ARHGAP35: variants seen among roughly 807,000 people sequenced by gnomAD.
ARHGAP35 encodes rho GTPase-activating protein 35.
In ARHGAP35, 15 loss-of-function variants were observed where a neutral mutation model predicts 111.1. The observed-to-expected ratio is 0.13, with a 90% confidence interval of 0.09 to 0.21. ARHGAP35 has a LOEUF of 0.21. ARHGAP35 is among the 10% of genes least tolerant of loss of function. The pLI is 1.00. For synonymous variants in ARHGAP35, 643 were observed against 710.3 expected, an observed-to-expected ratio of 0.91 and a Z score of 1.51; for missense variants, 1,262 against 1,873.0, an observed-to-expected ratio of 0.67 and a Z score of 6.02.
At chr19:46,866,446 T>TTATATACAA (rs1175013282) in intron 1 of ARHGAP35, among the ~76,000 whole-genome samples, 3 of 152,326 alleles carry the variant, frequency 2.0e-5, no homozygotes, top group African/African-American at 7.2e-5. Flanking sequence ...GGCAGTGACC[T>TTATATACAA]GGCTTCTGAT....
In ARHGAP35 at chr19:46,901,146, C is replaced by T. The variant is rs537846087; in HGVS notation, c.-188-17342C>T. Among the ~76,000 whole-genome samples, 2 of 152,168 alleles carry T rather than the reference C, an allele frequency of 1.3e-5. No individual in the cohort carries two copies. Among genetic ancestry groups the T allele is most frequent in the East Asian group, 1.9e-4 (1 of 5,182 alleles). ...AATTTTCATTGAATGATTGAATGGG[C>T]GAATGAGAATAAATAAATGAGGGCA... On this transcript the variant is annotated intron_variant, in intron 1 of 6. Transcript: ENST00000672722. The surrounding 1 kb of genome is among the most constrained non-coding windows in gnomAD (Gnocchi z 4.5).
Position 46,910,017 on chromosome 19 carries a change from C to T in ARHGAP35, c.-188-8471C>T, listed in dbSNP as rs74393062. 7.9e-3 allele frequency among the ~76,000 whole-genome samples: 1,205 copies of T among 152,120 alleles called. 8 individuals are homozygous for T. The highest frequency in any genetic ancestry group is 0.027 in the African/African-American group (1,127 of 41,486). Reference sequence around the variant, plus strand: ...AATTGCTATATTCAAATGGAGTTTTCGTTTATGTAAGATGATTAACTCCTT... The same window carrying T: ...AATTGCTATATTCAAATGGAGTTTTTGTTTATGTAAGATGATTAACTCCTT... On this transcript the variant is annotated intron_variant, in intron 1 of 6. Coordinates refer to ENST00000672722, the MANE Select transcript of ARHGAP35 (RefSeq NM_004491.5).
chr19:46,981,681 C>T (rs1372742308), intron 3 of ARHGAP35, among the ~76,000 whole-genome samples: 3 of 152,200 alleles, frequency 2.0e-5, no homozygotes, highest in Non-Finnish European at 4.4e-5. Flanking sequence ...CTGCCACAGA[C>T]ACCTCCCAGG....
At chr19:46,966,461 AT>A (rs1020280574) in intron 3 of ARHGAP35, among the ~76,000 whole-genome samples, 2 of 152,180 alleles carry the variant, frequency 1.3e-5, no homozygotes, top group African/African-American at 4.8e-5. Context: ...AGGCAGGAGA[AT>A]CACTTGAGCG....
chr19:46,875,833 T>C (rs75576691), intron 1 of ARHGAP35, among the ~76,000 whole-genome samples: 1 of 152,160 alleles, frequency 6.6e-6, no homozygotes, highest in African/African-American at 2.4e-5. Context: ...TGATTTGTTA[T>C]CTCTTGGTCT....
intron 1 of ARHGAP35, among the ~76,000 whole-genome samples, chr19:46,898,775 AGCT>A (rs112008743): frequency 4.9e-4 from 74 of 150,770 alleles, no homozygotes; most frequent in East Asian, 9.8e-4. Flanking sequence ...TGCACAGATG[AGCT>A]GCTGCTGCTG....
intron 1 of ARHGAP35, among the ~76,000 whole-genome samples, chr19:46,885,624 G>A (rs1468067137): frequency 1.3e-5 from 2 of 152,008 alleles, no homozygotes; most frequent in African/African-American, 4.8e-5. Flanking sequence ...TTTCTCTCAC[G>A]GGAAGGTATT....
intron 5 of ARHGAP35, among the ~76,000 whole-genome samples, chr19:46,991,499 CT>C (rs2056679057): frequency 6.6e-6 from 1 of 152,254 alleles, no homozygotes; most frequent in Non-Finnish European, 1.5e-5. Flanking sequence ...CCAGCTTCCA[CT>C]GCTCAGGAGG....
chr19:46,968,784 A>C (rs778354739), intron 3 of ARHGAP35, among the ~76,000 whole-genome samples: 1 of 152,118 alleles, frequency 6.6e-6, no homozygotes, highest in Non-Finnish European at 1.5e-5. Context: ...CTAATCTATA[A>C]AGATAGAAAG....
chr19:46,996,587 C>A (rs1305578046), intron 5 of ARHGAP35, among the ~76,000 whole-genome samples: 1 of 152,152 alleles, frequency 6.6e-6, no homozygotes, highest in East Asian at 1.9e-4. Context: ...AGACCCAGCT[C>A]TTATGTAAAG....
chr19:46,933,669 A>G (rs1186717739), intron 2 of ARHGAP35, among the ~76,000 whole-genome samples: 1 of 152,058 alleles, frequency 6.6e-6, no homozygotes, highest in African/African-American at 2.4e-5. Flanking sequence ...TAAAGAATTT[A>G]TACTGGCTGG....
At position 46,916,818 on chromosome 19, in the gene ARHGAP35, C is replaced by G. The variant is rs183179552; in HGVS notation, c.-188-1670C>G. 2.3e-3 allele frequency among the ~76,000 whole-genome samples: 344 copies of G among 152,010 alleles called. 2 individuals are homozygous for G. The highest frequency in any genetic ancestry group is 7.9e-3 in the African/African-American group (328 of 41,434). On this transcript the variant is annotated intron_variant, in intron 1 of 6. Coordinates refer to ENST00000672722, the MANE Select transcript of ARHGAP35 (RefSeq NM_004491.5). ...GTATACATAATTTTTCCAGTGGGATCAGTTACGTACATTATGGCCCTTCCC... is the reference window on the plus strand; with the variant it reads ...GTATACATAATTTTTCCAGTGGGATGAGTTACGTACATTATGGCCCTTCCC...
At chr19:46,946,304 G>A (rs2056379181) in intron 3 of ARHGAP35, among the ~76,000 whole-genome samples, 1 of 152,330 alleles carries the variant, frequency 6.6e-6, no homozygotes, top group Admixed American at 6.5e-5. Context: ...CCTTGGGAGG[G>A]GTCAGGGTAC....
At chr19:46,916,232 C>T (rs1158122239) in intron 1 of ARHGAP35, among the ~76,000 whole-genome samples, 1 of 152,050 alleles carries the variant, frequency 6.6e-6, no homozygotes. Context: ...CCGCGCCCAG[C>T]GAAGGAATCC....
At chr19:46,880,147 T>G (rs1206893676) in intron 1 of ARHGAP35, among the ~76,000 whole-genome samples, 1 of 151,952 alleles carries the variant, frequency 6.6e-6, no homozygotes, top group Non-Finnish European at 1.5e-5. Flanking sequence ...CAATAAGCAA[T>G]TCCTGGCTGG....
At chr19:46,978,473 G>T (rs1365727511) in intron 3 of ARHGAP35, among the ~76,000 whole-genome samples, 1 of 151,780 alleles carries the variant, frequency 6.6e-6, no homozygotes, top group Non-Finnish European at 1.5e-5. Flanking sequence ...GGGTCTGTGT[G>T]TGGGGGGTAG....
chr19:46,963,958 C>T (rs934622659), intron 3 of ARHGAP35, among the ~76,000 whole-genome samples: 2 of 151,970 alleles, frequency 1.3e-5, no homozygotes, highest in Non-Finnish European at 2.9e-5. Context: ...ATGTCCGCCT[C>T]CCAGGTTCAA....
intron 3 of ARHGAP35, among the ~76,000 whole-genome samples, chr19:46,964,465 C>T (rs2056501846): frequency 6.6e-6 from 1 of 152,010 alleles, no homozygotes; most frequent in Non-Finnish European, 1.5e-5. Context: ...ACCATGTTGC[C>T]CAAGCTGGTC....
intron 3 of ARHGAP35, among the ~76,000 whole-genome samples, chr19:46,976,830 C>T (rs566510780): frequency 3.0e-4 from 45 of 152,320 alleles, no homozygotes; most frequent in African/African-American, 1.0e-3. Flanking sequence ...CACCTGGGGG[C>T]TCCGGTGGCC....
Sources: gnomAD v4.1 joint callset for allele counts (sites outside exome capture counted in the v4.1 genomes callset) on GRCh38, gnomAD v4.1.1 for gene constraint, Gnocchi (gnomAD v3.1) non-coding constraint, MANE v1.5 for transcripts, NCBI Gene and HGNC (gene_info 2026-07-23, HGNC 2026-07-21) for gene names.